LMLN: variants seen among roughly 807,000 people sequenced by gnomAD.
The protein encoded by LMLN is leishmanolysin-like peptidase.
LMLN carries 70 observed loss-of-function variants against 92.3 expected under a neutral mutation model. The observed-to-expected ratio is 0.76, with a 90% CI of 0.63 to 0.92. LMLN has a LOEUF of 0.92. LMLN is among the 40% of genes least tolerant of loss of function. LMLN has a pLI of 0.00. For missense variants in LMLN, 691 were observed against 814.6 expected, an observed-to-expected ratio of 0.85 and a Z score of 1.85; for synonymous variants, 308 against 296.2, an observed-to-expected ratio of 1.04 and a Z score of -0.41.
intron 13 of LMLN, 151 bp downstream of exon 14, chr3:198,021,756 C>G: frequency 1.6e-6 from 1 of 610,690 alleles, no homozygotes; most frequent in Non-Finnish European, 2.8e-6. Context: ...AGTGACTTAA[C>G]TTTTCCCTGC....
intron 1 of LMLN, among the ~76,000 whole-genome samples, chr3:197,962,752 T>C (rs975269471): frequency 2.6e-5 from 4 of 151,498 alleles, no homozygotes; most frequent in African/African-American, 9.7e-5. Flanking sequence ...TGATGTGAGA[T>C]AGGGGATCAA....
At chr3:198,026,365 C>T (rs944729439) in intron 14 of LMLN, among the ~76,000 whole-genome samples, 1 of 152,160 alleles carries the variant, frequency 6.6e-6, no homozygotes, top group African/African-American at 2.4e-5. Context: ...GTCACCCAGG[C>T]TGGAGTGCAG....
Position 197,996,184 on chromosome 3 carries a change from C to T in LMLN, c.1057C>T (p.Arg353Ter), listed in dbSNP as rs753033262. 9 of 1,557,496 alleles carry T rather than the reference C, an allele frequency of 5.8e-6. No individual in the cohort carries two copies. Among genetic ancestry groups the T allele is most frequent in the South Asian group, 2.5e-5 (2 of 81,536 alleles). ...TTTTTCTGGTTCTTAGGAGGAAGCA[C>T]GAAAACATTTTGATTGTCCAGTTCT... The change falls in exon 10 of 16, where the codon CGA becomes TGA. Residue 353 changes from arginine to a stop codon, truncating the protein, a stop_gained. Transcript: ENST00000330198. LOFTEE classifies it high-confidence loss of function.
intron 11 of LMLN, among the ~76,000 whole-genome samples, chr3:198,001,031 GC>G (rs1431969179): frequency 2.0e-5 from 3 of 152,016 alleles, no homozygotes; most frequent in African/African-American, 7.2e-5. Context: ...TGTTTCTAAT[GC>G]CCCCTCTACT....
chr3:197,997,786 G>C (rs868190063), intron 10 of LMLN, among the ~76,000 whole-genome samples: 2 of 152,150 alleles, frequency 1.3e-5, no homozygotes, highest in South Asian at 4.1e-4. Flanking sequence ...AGAAACACAT[G>C]CTTTCACAGA....
rs1335612079 is a variant in LMLN, at chr3:198,024,798, T to C, written c.1656+10T>C. On this transcript the variant is annotated intron_variant, in intron 14 of 15. Transcript: ENST00000330198. The stretch of plus-strand genomic sequence containing the variant: ...AAGCGGATGCTATCAGGTAAGCTTA[T>C]GTTTGTTATTAGTTGTGCCAAATAT... The C allele has an allele frequency of 8.8e-6, 14 of 1,592,968 alleles. No individual in the cohort carries two copies. The highest frequency in any genetic ancestry group is 8.1e-5 in the African/African-American group (6 of 73,912).
At chr3:197,988,419 G>T (rs1480515364) in intron 8 of LMLN, among the ~76,000 whole-genome samples, 1 of 148,626 alleles carries the variant, frequency 6.7e-6, no homozygotes, top group East Asian at 2.0e-4. Flanking sequence ...TATGTATTTT[G>T]GGATTCTTTT....
chr3:197,970,597 G>A (rs66824942), intron 1 of LMLN, among the ~76,000 whole-genome samples: 31,263 of 152,054 alleles, frequency 0.21, 5,184 homozygotes, highest in African/African-American at 0.46. Flanking sequence ...GGCTGGTCAC[G>A]TAGACAAAAT....
At chr3:198,032,796 T>G (rs1184078363) in intron 14 of LMLN, among the ~76,000 whole-genome samples, 2 of 152,226 alleles carry the variant, frequency 1.3e-5, no homozygotes, top group African/African-American at 4.8e-5. Flanking sequence ...GGGAATCATA[T>G]TTCAACAGAA....
At chr3:197,969,803 A>G (rs1427777468) in intron 1 of LMLN, among the ~76,000 whole-genome samples, 2 of 152,126 alleles carry the variant, frequency 1.3e-5, no homozygotes, top group Non-Finnish European at 1.5e-5. Flanking sequence ...TGTTGTTGTA[A>G]TATAATATTG....
chr3:198,021,628 G>A lies in LMLN; in HGVS notation c.1525+23G>A, dbSNP rs762088355. On this transcript the variant is annotated intron_variant, in intron 13 of 15. Transcript: ENST00000330198. Reference sequence around the variant, plus strand: ...CAGGTTAGTCGGCTAGTGAAATGAAGTATTATATACATATTAAAATTATGT... The same window carrying A: ...CAGGTTAGTCGGCTAGTGAAATGAAATATTATATACATATTAAAATTATGT... 1.1e-5 allele frequency: 17 copies of A among 1,599,418 alleles called. No homozygotes were observed. In the South Asian group the frequency reaches 1.7e-4, roughly 16 times the overall value.
intron 14 of LMLN, among the ~76,000 whole-genome samples, chr3:198,030,863 G>A (rs780893690): frequency 2.6e-5 from 4 of 152,126 alleles, no homozygotes; most frequent in Admixed American, 6.6e-5. Context: ...TGCTGACAGC[G>A]TGGGAAGGCG....
intron 14 of LMLN, among the ~76,000 whole-genome samples, chr3:198,027,938 G>C (rs1018378389): frequency 6.6e-6 from 1 of 152,004 alleles, no homozygotes; most frequent in Non-Finnish European, 1.5e-5. Context: ...TAGGTTTTTT[G>C]TTGTTGTTGT....
chr3:197,962,035 A>C (rs1402569115), intron 1 of LMLN, among the ~76,000 whole-genome samples: 1 of 152,138 alleles, frequency 6.6e-6, no homozygotes, highest in African/African-American at 2.4e-5. Flanking sequence ...ATATATTGAA[A>C]TGCCACAAAT....
chr3:198,041,577 G>C (rs953279594), exon 16 of LMLN: 2 of 152,138 alleles, frequency 1.3e-5, no homozygotes, highest in Admixed American at 1.3e-4. Flanking sequence ...AAACACTTCT[G>C]GTCCCAAGCA....
At chr3:197,990,341 G>A (rs551167217) in intron 8 of LMLN, among the ~76,000 whole-genome samples, 1 of 152,144 alleles carries the variant, frequency 6.6e-6, no homozygotes, top group Admixed American at 6.5e-5. Context: ...GGGATTACAG[G>A]TGTGAGCCAC....
At chr3:197,992,347 C>T (rs1259287804) in intron 9 of LMLN, among the ~76,000 whole-genome samples, 4 of 152,080 alleles carry the variant, frequency 2.6e-5, no homozygotes, top group Admixed American at 6.6e-5. Flanking sequence ...GGATTACAGG[C>T]GTGAGCCACT....
intron 8 of LMLN, among the ~76,000 whole-genome samples, chr3:197,989,102 T>G (rs1721793977): frequency 6.6e-6 from 1 of 152,222 alleles, no homozygotes; most frequent in South Asian, 2.1e-4. Context: ...CAATTAACCC[T>G]GTTCTGTCTG....
chr3:198,021,020 C>T (rs981113268), intron 12 of LMLN, among the ~76,000 whole-genome samples: 3 of 151,912 alleles, frequency 2.0e-5, no homozygotes, highest in Admixed American at 2.0e-4. Flanking sequence ...CATTTATTTT[C>T]TCAGATTTTA....
Sources: gnomAD v4.1 joint callset for allele counts (sites outside exome capture counted in the v4.1 genomes callset) on GRCh38, gnomAD v4.1.1 for gene constraint, MANE v1.5 for transcripts, NCBI Gene and HGNC (gene_info 2026-07-23, HGNC 2026-07-21) for gene names.